KLRG2: variants seen among roughly 807,000 people sequenced by gnomAD.
The protein encoded by KLRG2 is killer cell lectin like receptor G2.
A neutral mutation model predicts 35.4 loss-of-function variants in KLRG2; 39 were observed. The ratio of observed to expected loss-of-function variants is 1.10; its 90% CI spans 0.85 to 1.44. The LOEUF is 1.44. KLRG2 is among the 40% of genes most tolerant of loss of function. The pLI, the probability that KLRG2 is intolerant of heterozygous loss-of-function variation, is 0.00. For missense variants in KLRG2, 632 were observed against 570.9 expected (o/e 1.11, Z -1.09); for synonymous variants, 283 against 265.8 (o/e 1.06, Z -0.63).
chr7:139,445,781 G>GTATGTATATATATATATA, the KLRG2 span, among the ~76,000 whole-genome samples: 1 of 98,508 alleles, frequency 1.0e-5, no homozygotes, highest in African/African-American at 7.6e-5. Context: ...ATATATATAT[G>GTATGTATATATATATATA]TATATATATA....
At chr7:139,430,127 G>T in the KLRG2 span, among the ~76,000 whole-genome samples, 2 of 152,344 alleles carry the variant, frequency 1.3e-5, no homozygotes, top group Non-Finnish European at 1.5e-5. Context: ...AAACTGCCGG[G>T]CGCAATGGCT....
chr7:139,459,812 T>C (rs1184530100), intron 3 of KLRG2, among the ~76,000 whole-genome samples: 2 of 151,800 alleles, frequency 1.3e-5, no homozygotes, highest in Non-Finnish European at 2.9e-5. Context: ...AGTGCAGTGG[T>C]GCAATCTCAG....
At chr7:139,460,368 C>A (rs75811824) in intron 3 of KLRG2, among the ~76,000 whole-genome samples, 18,022 of 152,162 alleles carry the variant, frequency 0.12, 3,283 homozygotes, top group African/African-American at 0.39. Context: ...TAAGGAAAAT[C>A]AATTACTTCT....
intron 3 of KLRG2, among the ~76,000 whole-genome samples, chr7:139,466,855 G>C (rs1363181480): frequency 6.9e-6 from 1 of 144,488 alleles, no homozygotes. Context: ...AAAAAAAAAA[G>C]CTCAAAGATA....
At position 139,483,363 on chromosome 7, in the gene KLRG2, G is replaced by A; in HGVS notation, c.280C>T (p.Pro94Ser). Residue 94 changes from proline (P) to serine (S), a missense_variant, in exon 1 of 5, where the codon CCG (proline) becomes TCG (serine). By Grantham distance (74) the Pro-to-Ser change is moderately conservative. Transcript: ENST00000340940. Reference sequence around the variant, plus strand: ...TTGACCAAGGCAGGGCCCGGTGACGGCGGCTCGGGGCAGACCCCGTAGCCC... The same window carrying A: ...TTGACCAAGGCAGGGCCCGGTGACGACGGCTCGGGGCAGACCCCGTAGCCC... ...SLGYGVCPEP[P>S]SPGPALVKLP... 6.5e-7 allele frequency: 1 copy of A among 1,538,530 alleles called. No individual in the cohort carries two copies. Among genetic ancestry groups the A allele is most frequent in the Non-Finnish European group, 8.7e-7 (1 of 1,153,228 alleles).
At chr7:139,451,662 TG>T (rs1358690387), downstream of KLRG2, among the ~76,000 whole-genome samples, 1 of 152,122 alleles carries the variant, frequency 6.6e-6, no homozygotes, top group Non-Finnish European at 1.5e-5. Context: ...CGTGCTGGGA[TG>T]GAAAGAATGC....
At chr7:139,431,617 C>T in the KLRG2 span, among the ~76,000 whole-genome samples, 1 of 152,122 alleles carries the variant, frequency 6.6e-6, no homozygotes. Context: ...TCCGCTAGGC[C>T]AGCCTGAGTC....
chr7:139,470,139 C>A (rs1242537395), intron 3 of KLRG2, among the ~76,000 whole-genome samples: 1 of 151,670 alleles, frequency 6.6e-6, no homozygotes, highest in Non-Finnish European at 1.5e-5. Context: ...CTCACTGCAA[C>A]CTCCACCTCC....
At chr7:139,429,968 C>T in the KLRG2 span, among the ~76,000 whole-genome samples, 2 of 149,984 alleles carry the variant, frequency 1.3e-5, no homozygotes, top group South Asian at 4.2e-4. Context: ...GGGGGGCTGA[C>T]CCCCCCCATA....
intron 3 of KLRG2, among the ~76,000 whole-genome samples, chr7:139,473,368 C>T (rs1796793759): frequency 6.6e-6 from 1 of 152,200 alleles, no homozygotes; most frequent in Admixed American, 6.5e-5. Flanking sequence ...CCACCCCCTC[C>T]TATCCGCGCA....
the KLRG2 span, among the ~76,000 whole-genome samples, chr7:139,443,817 A>C: frequency 6.6e-6 from 1 of 152,128 alleles, no homozygotes; most frequent in African/African-American, 2.4e-5. Context: ...ACGGCCTGAG[A>C]GGGAGTTTAC....
At chr7:139,468,944 C>A (rs1796712302) in intron 3 of KLRG2, among the ~76,000 whole-genome samples, 1 of 152,084 alleles carries the variant, frequency 6.6e-6, no homozygotes, top group Admixed American at 6.5e-5. Context: ...TGCCGAGAGA[C>A]ACTAGAGATG....
the KLRG2 span, among the ~76,000 whole-genome samples, chr7:139,430,972 A>G: frequency 2.0e-5 from 3 of 147,902 alleles, no homozygotes; most frequent in South Asian, 6.4e-4. Context: ...AGATTGCACC[A>G]TTGCACTCCA....
the KLRG2 span, among the ~76,000 whole-genome samples, chr7:139,442,337 A>G: frequency 0.37 from 56,968 of 152,114 alleles, 14,617 homozygotes; most frequent in African/African-American, 0.73. Flanking sequence ...ATCCACTCAC[A>G]TGAATGCTGC....
chr7:139,450,259 T>A (rs1796356054), downstream of KLRG2, among the ~76,000 whole-genome samples: 1 of 151,942 alleles, frequency 6.6e-6, no homozygotes, highest in African/African-American at 2.4e-5. Flanking sequence ...AGTCTTGCTC[T>A]GTCGCCCAGG....
intron 3 of KLRG2, among the ~76,000 whole-genome samples, chr7:139,469,449 C>A (rs982848687): frequency 6.8e-6 from 1 of 148,132 alleles, no homozygotes; most frequent in Non-Finnish European, 1.5e-5. Context: ...TGTGAGCCAC[C>A]ACGCCCAGCC....
intron 3 of KLRG2, among the ~76,000 whole-genome samples, chr7:139,459,473 C>T (rs751599487): frequency 1.3e-5 from 2 of 152,216 alleles, no homozygotes; most frequent in Non-Finnish European, 2.9e-5. Flanking sequence ...TACATTCCTA[C>T]AGGCCTTCAA....
intron 3 of KLRG2, among the ~76,000 whole-genome samples, chr7:139,455,159 C>A (rs1376388084): frequency 6.6e-6 from 1 of 151,528 alleles, no homozygotes; most frequent in Non-Finnish European, 1.5e-5. Flanking sequence ...GCTGGAACTA[C>A]AGGCATGCAC....
chr7:139,453,571 C>T lies in KLRG2; in HGVS notation c.*16G>A, dbSNP rs909927835. Reference sequence around the variant, plus strand: ...CTGCATCTGCCTGGCAGGCTGAGGACCAGGCAGAGCCCAGATCACTGGGTC... The same window carrying T: ...CTGCATCTGCCTGGCAGGCTGAGGATCAGGCAGAGCCCAGATCACTGGGTC... On this transcript the variant is annotated 3_prime_UTR_variant, in exon 5 of 5. Coordinates refer to ENST00000340940, the MANE Select transcript of KLRG2 (RefSeq NM_198508.4). 5 of 1,581,764 alleles carry T rather than the reference C, an allele frequency of 3.2e-6. 1 individual carries two copies. In the Middle Eastern group the frequency reaches 6.7e-4, roughly 212 times the overall value.
Sources: gnomAD v4.1 joint callset for allele counts (sites outside exome capture counted in the v4.1 genomes callset) on GRCh38, gnomAD v4.1.1 for gene constraint, MANE v1.5 for transcripts, NCBI Gene and HGNC (gene_info 2026-07-23, HGNC 2026-07-21) for gene names.